FAT4: variants seen among roughly 807,000 people sequenced by gnomAD.
FAT4 encodes FAT atypical cadherin 4, also known as protocadherin Fat 4.
In FAT4, 84 loss-of-function variants were observed where a neutral mutation model predicts 303.9. That is an observed-to-expected ratio of 0.28 (90% CI 0.23 to 0.33). FAT4 has a LOEUF of 0.33. Ranked by LOEUF, FAT4 falls within the 10% of genes least tolerant of loss-of-function variation. FAT4 has a pLI of 1.00. For missense variants in FAT4, 6,005 were observed against 6,146.8 expected, an observed-to-expected ratio of 0.98 and a Z score of 0.77; for synonymous variants, 2,307 against 2,298.8, an observed-to-expected ratio of 1.00 and a Z score of -0.10.
chr4:125,473,821 T>C (rs887659466), intron 12 of FAT4, among the ~76,000 whole-genome samples: 2 of 152,020 alleles, frequency 1.3e-5, no homozygotes, highest in East Asian at 3.9e-4. Context: ...ACCATAGTCA[T>C]CAATTTTTAA....
At chr4:125,455,821 G>T (rs2126065163) in intron 10 of FAT4, among the ~76,000 whole-genome samples, 1 of 152,276 alleles carries the variant, frequency 6.6e-6, no homozygotes, top group East Asian at 1.9e-4. Context: ...ACAGTGTATT[G>T]TCTGAGACTG....
intron 3 of FAT4, among the ~76,000 whole-genome samples, chr4:125,405,589 C>A (rs1734566641): frequency 6.6e-6 from 1 of 151,916 alleles, no homozygotes; most frequent in South Asian, 2.1e-4. Flanking sequence ...TGGCTCACTG[C>A]AAGCTCTGCC....
intron 5 of FAT4, among the ~76,000 whole-genome samples, chr4:125,411,610 G>A (rs563360111): frequency 1.3e-5 from 2 of 151,482 alleles, no homozygotes; most frequent in African/African-American, 4.8e-5. Flanking sequence ...TATGTGAAAA[G>A]TTGACAAATA....
chr4:125,492,634 C>T lies in FAT4; in HGVS notation c.*866C>T. 6.6e-6 allele frequency: 1 copy of T among 152,512 alleles called. No individual in the cohort carries two copies. The highest frequency in any genetic ancestry group is 1.9e-4 in the East Asian group (1 of 5,194). The allele number at this position is 152,512 out of a possible 1,614,324, so 9.4% of individuals were successfully genotyped here. ...ATTTTCCAACCAGATAACATTTACT[C>T]TAAGTACCCAGTTTTTATAATTTAT... On this transcript the variant is annotated 3_prime_UTR_variant, in exon 18 of 18. Coordinates refer to ENST00000394329, the MANE Select transcript of FAT4 (RefSeq NM_001291303.3).
At position 125,487,407 on chromosome 4, in the gene FAT4, T is replaced by C. The variant is rs1408341243; in HGVS notation, c.12885T>C (p.Asn4295=). ...GAATTGCTGGGAAAGTGGAGAGAAA[T>C]ATTCCTGAAGTATATGTTGCAGACG... ...DAGIAGKVER[N]IPEVYVADGH... The change falls in exon 17 of 18, where the codon AAT becomes AAC. Residue 4295 remains asparagine (N), a synonymous_variant. Transcript: ENST00000394329. 1.2e-6 allele frequency: 2 copies of C among 1,613,894 alleles called. No homozygotes were observed. The highest frequency in any genetic ancestry group is 1.7e-6 in the Non-Finnish European group (2 of 1,179,902).
intron 8 of FAT4, among the ~76,000 whole-genome samples, chr4:125,443,350 C>T (rs1725723039): frequency 6.6e-6 from 1 of 152,124 alleles, no homozygotes. Flanking sequence ...ATTGACACAA[C>T]TTGAGCAAGA....
At position 125,489,920 on chromosome 4, in the gene FAT4, T is replaced by C. The variant is rs1250890202; in HGVS notation, c.13104T>C (p.Ile4368=). The C allele has an allele frequency of 6.4e-7, 1 of 1,562,556 alleles. No individual in the cohort carries two copies. Among genetic ancestry groups the C allele is most frequent in the Non-Finnish European group, 8.7e-7 (1 of 1,149,674 alleles). The part of the protein sequence containing the change: ...DAQTAGFDGC[I]ASMWYGGESL... ...TCCCAGCAGGTTTTGATGGCTGCAT[T>C]GCTTCTATGTGGTATGGTGGAGAAA... The change falls in exon 18 of 18, where the codon ATT becomes ATC. Residue 4368 remains isoleucine (I), a synonymous_variant. Transcript: ENST00000394329.
In FAT4 at chr4:125,347,141, A is replaced by G. The variant is rs1732035275; in HGVS notation, c.5175+25555A>G. Among the ~76,000 whole-genome samples, 3 of 151,666 alleles carry G rather than the reference A, an allele frequency of 2.0e-5. No homozygotes were observed. In the South Asian group the frequency reaches 6.2e-4, roughly 32 times the overall value. The stretch of plus-strand genomic sequence containing the variant: ...GCAAGGCATATATAAGAATACTAAT[A>G]CTAATAGGCATTTTTTCCAAACCAT... On this transcript the variant is annotated intron_variant, in intron 2 of 17. Transcript: ENST00000394329.
chr4:125,368,124 G>A lies in FAT4; in HGVS notation c.5176-30660G>A, dbSNP rs375878550. On this transcript the variant is annotated intron_variant, in intron 2 of 17. Transcript: ENST00000394329. Reference sequence around the variant, plus strand: ...TAAGTATTTATAGACAAAAATGTTGGCAAAGAATATAGAGGTTCTTGAAAT... The same window carrying A: ...TAAGTATTTATAGACAAAAATGTTGACAAAGAATATAGAGGTTCTTGAAAT... Among the ~76,000 whole-genome samples the A allele has an allele frequency of 1.7e-4, 26 of 152,202 alleles. No homozygotes were observed. In the East Asian group the frequency reaches 2.9e-3, roughly 17 times the overall value.
intron 12 of FAT4, among the ~76,000 whole-genome samples, chr4:125,470,309 A>C (rs765903149): frequency 6.6e-6 from 1 of 152,212 alleles, no homozygotes; most frequent in Non-Finnish European, 1.5e-5. Context: ...ATGGAAAAGG[A>C]GCACTGGTTT....
In FAT4 at chr4:125,416,470, G is replaced by A. The variant is rs767497964; in HGVS notation, c.6866G>A (p.Arg2289Gln). 6 of 1,613,404 alleles carry A rather than the reference G, an allele frequency of 3.7e-6. No homozygotes were observed. In the African/African-American group the frequency reaches 4.0e-5, roughly 11 times the overall value. ...ILQVVARDDD[R>Q]GSNSKLSYVL... ...CAGGTGGTGGCAAGAGATGATGATC[G>A]AGGATCTAACAGCAAACTCTCATAT... Residue 2289 changes from arginine to glutamine, a missense_variant, in exon 7 of 18, where the codon CGA becomes CAA. Transcript: ENST00000394329.
chr4:125,345,740 A>G (rs1428712325), intron 2 of FAT4, among the ~76,000 whole-genome samples: 1 of 152,034 alleles, frequency 6.6e-6, no homozygotes, highest in African/African-American at 2.4e-5. Flanking sequence ...TTAGCTATAA[A>G]TGGAATACAG....
chr4:125,473,694 T>G (rs1318423560), intron 12 of FAT4, among the ~76,000 whole-genome samples: 4 of 152,050 alleles, frequency 2.6e-5, no homozygotes, highest in South Asian at 4.1e-4. Context: ...AAATAAACGA[T>G]TTTACCTGAT....
intron 2 of FAT4, among the ~76,000 whole-genome samples, chr4:125,332,687 G>A (rs1027410753): frequency 3.9e-5 from 6 of 151,902 alleles, no homozygotes; most frequent in African/African-American, 1.2e-4. Context: ...TTTAGAAATC[G>A]TTTTTTGTCC....
rs192021346 is a variant in FAT4 at position 125,439,619 on chromosome 4, G to A, written c.7199+5194G>A. ...CTCCCAAAGTGCTGGGATTACAGGC[G>A]TGAGCCACCGCGCCCCGGCCAGGAA... On this transcript the variant is annotated intron_variant, in intron 8 of 17. Coordinates refer to ENST00000394329, the MANE Select transcript of FAT4 (RefSeq NM_001291303.3). Among the ~76,000 whole-genome samples the A allele has an allele frequency of 3.5e-3, 530 of 152,080 alleles. 3 individuals are homozygous for A. Among genetic ancestry groups the A allele is most frequent in the African/African-American group, 0.012 (506 of 41,470 alleles).
At chr4:125,440,501 C>A (rs72914970) in intron 8 of FAT4, among the ~76,000 whole-genome samples, 114 of 152,052 alleles carry the variant, frequency 7.5e-4, no homozygotes, top group African/African-American at 2.6e-3. Context: ...TCTCTGATCA[C>A]ACACAGTTTG....
chr4:125,420,840 G>A (rs1469624006), intron 7 of FAT4, among the ~76,000 whole-genome samples: 1 of 152,162 alleles, frequency 6.6e-6, no homozygotes, highest in East Asian at 1.9e-4. Context: ...TTGCTACTCT[G>A]TGCTTTACTA....
chr4:125,381,713 C>T (rs768941745), intron 2 of FAT4, among the ~76,000 whole-genome samples: 1 of 151,990 alleles, frequency 6.6e-6, no homozygotes, highest in Non-Finnish European at 1.5e-5. Context: ...ATGAAGTTTG[C>T]GGCTTTGATT....
chr4:125,337,556 A>G (rs1212997963), intron 2 of FAT4, among the ~76,000 whole-genome samples: 1 of 152,060 alleles, frequency 6.6e-6, no homozygotes, highest in Non-Finnish European at 1.5e-5. Context: ...AGAATATTTA[A>G]CTACAAGTTA....
Sources: allele counts gnomAD v4.1 joint callset (sites outside exome capture counted in the v4.1 genomes callset), GRCh38; gene constraint gnomAD v4.1.1; transcripts MANE v1.5; gene names NCBI Gene and HGNC (gene_info 2026-07-23, HGNC 2026-07-21).